The following PPM1F variants were observed in gnomAD, a reference collection of about 807,000 sequenced individuals.
PPM1F encodes the protein protein phosphatase, Mg2+/Mn2+ dependent 1F.
A neutral mutation model predicts 35.5 loss-of-function variants in PPM1F; 17 were observed. The ratio of observed to expected loss-of-function variants is 0.48; its 90% confidence interval spans 0.33 to 0.72. The LOEUF (loss-of-function observed/expected upper bound fraction) is 0.72, where lower values mean the gene tolerates loss of function less well. Ranked by LOEUF, PPM1F falls within the 30% of genes least tolerant of loss-of-function variation. The pLI is 0.02. For synonymous variants in PPM1F, 241 were observed against 255.5 expected (o/e 0.94, Z 0.54); for missense variants, 521 against 613.0 (o/e 0.85, Z 1.59).
chr22:21,938,392 G>A (rs2070686650), intron 3 of PPM1F: 1 of 1,160,206 alleles, frequency 8.6e-7, no homozygotes, highest in Non-Finnish European at 1.1e-6. Context: ...CCCAGGCTAA[G>A]GCAAGGCTGC....
Position 21,922,200 on chromosome 22 carries a change from A to AT in PPM1F, c.*891dup, listed in dbSNP as rs1356936747. On this transcript the variant is annotated 3_prime_UTR_variant, in exon 8 of 8. Coordinates refer to ENST00000263212, the MANE Select transcript of PPM1F (RefSeq NM_014634.4). ...TGGAAAAGTTCCTGTTTCAATCCTG[A>AT]TTTAGAAAATAAATTCAATAATACT... 6.6e-6 allele frequency: 1 copy of AT among 152,646 alleles called. No individual in the cohort carries two copies. The highest frequency in any genetic ancestry group is 1.5e-5 in the Non-Finnish European group (1 of 68,034). 9.5% of individuals were successfully genotyped at this position (152,646 alleles called of 1,614,324 possible).
Position 21,922,427 on chromosome 22 carries a change from G to C in PPM1F, c.*665C>G, listed in dbSNP as rs1249421190. 2 of 152,458 alleles carry C rather than the reference G, an allele frequency of 1.3e-5. No homozygotes were observed. The highest frequency in any genetic ancestry group is 2.9e-5 in the Non-Finnish European group (2 of 68,058). The allele number at this position is 152,458 out of a possible 1,614,324, so 9.4% of individuals were successfully genotyped here. ...ACAAACACACCAACAAAAGACACATGTGCGTCGCCGGTTCCGGGCTCAGGG... is the reference window on the plus strand; with the variant it reads ...ACAAACACACCAACAAAAGACACATCTGCGTCGCCGGTTCCGGGCTCAGGG... On this transcript the variant is annotated 3_prime_UTR_variant, in exon 8 of 8. Transcript: ENST00000263212.
chr22:21,938,058 C>T, intron 3 of PPM1F: 2 of 1,246,790 alleles, frequency 1.6e-6, no homozygotes, highest in Middle Eastern at 2.3e-4. Flanking sequence ...GGCCGCTAGG[C>T]AGGCCTGCAT....
chr22:21,924,025 G>C (rs1217466435), intron 7 of PPM1F, among the ~76,000 whole-genome samples: 3 of 151,954 alleles, frequency 2.0e-5, no homozygotes, highest in African/African-American at 7.3e-5. Flanking sequence ...TCCCATCCTG[G>C]CCTCACTTCC....
intron 3 of PPM1F, chr22:21,935,021 G>A (rs948428294): frequency 6.6e-6 from 1 of 151,814 alleles, no homozygotes; most frequent in African/African-American, 2.4e-5. Flanking sequence ...CCAGAACAAT[G>A]AAGGCTGTTC....
At chr22:21,927,360 G>A (rs1431647043) in intron 6 of PPM1F, among the ~76,000 whole-genome samples, 1 of 152,232 alleles carries the variant, frequency 6.6e-6, no homozygotes, top group Non-Finnish European at 1.5e-5. Context: ...AGGAAGCAGC[G>A]CCTCCTCCCC....
intron 3 of PPM1F, chr22:21,938,006 C>G: frequency 9.4e-7 from 1 of 1,068,478 alleles, no homozygotes; most frequent in African/African-American, 1.7e-5. Context: ...AGTCCAAAAA[C>G]TTGACTACAT....
Position 21,939,493 on chromosome 22 carries a change from A to G in PPM1F, c.355+39T>C. On this transcript the variant is annotated intron_variant, in intron 3 of 7. Coordinates refer to ENST00000263212, the MANE Select transcript of PPM1F (RefSeq NM_014634.4). This position sits in a 1 kb window ranked among gnomAD's most constrained non-coding sequence, Gnocchi z 5.1. ...ATGTCGTCACCCTTTGTTGCCTGCT[A>G]AGCAGCCCTGGGGCCACCTCAGAAG... is the stretch of plus-strand genomic sequence containing the variant. 1.2e-6 allele frequency: 2 copies of G among 1,607,342 alleles called. No homozygotes were observed. The highest frequency in any genetic ancestry group is 2.2e-5 in the East Asian group (1 of 44,810).
chr22:21,942,357 A>G (rs1455819958), intron 2 of PPM1F: 1 of 144,532 alleles, frequency 6.9e-6, no homozygotes, highest in Non-Finnish European at 1.5e-5. Flanking sequence ...CACAACCTCC[A>G]CCTCTCGGGT....
rs2070586577 is a variant in PPM1F at position 21,931,286 on chromosome 22, C to T, written c.753G>A (p.Leu251=). ...CACACACACCTGTGGTGCCGCTCTG[C>T]AGCCGCTGCAGGGAGAGAGGGCCCA... ...MFLRKAKRER[L]QSGTTGVCAL... Residue 251 remains leucine, a synonymous_variant, in exon 6 of 8, where the codon CTG becomes CTA. Transcript: ENST00000263212. The T allele has an allele frequency of 1.9e-6, 3 of 1,612,096 alleles. No individual in the cohort carries two copies. Among genetic ancestry groups the T allele is most frequent in the East Asian group, 2.2e-5 (1 of 44,864 alleles).
In PPM1F at chr22:21,931,145, T is replaced by C; in HGVS notation, c.891+3A>G. 5 of 1,614,036 alleles carry C rather than the reference T, an allele frequency of 3.1e-6. No individual in the cohort carries two copies. The South Asian group carries it at 5.5e-5, about 18-fold the overall frequency. ...CTGGGCCTGGGCGCAGGGATCCCCT[T>C]ACCTGCCGTTCTGGTCTGTGTGGCT... On this transcript the variant is annotated splice_donor_region_variant and intron_variant, in intron 6 of 7. Coordinates refer to ENST00000263212, the MANE Select transcript of PPM1F (RefSeq NM_014634.4).
intron 5 of PPM1F, among the ~76,000 whole-genome samples, chr22:21,932,098 A>G (rs988435082): frequency 1.3e-5 from 2 of 151,370 alleles, no homozygotes; most frequent in Non-Finnish European, 2.9e-5. Flanking sequence ...GATTACAGGC[A>G]TGAGCCACCG....
intron 6 of PPM1F, among the ~76,000 whole-genome samples, chr22:21,926,648 G>C (rs995326456): frequency 1.3e-5 from 2 of 152,194 alleles, no homozygotes; most frequent in Admixed American, 6.5e-5. Flanking sequence ...CAGCATCCCT[G>C]ACAGAGTGAC....
chr22:21,930,364 T>C (rs1339232983), intron 6 of PPM1F, among the ~76,000 whole-genome samples: 1 of 152,170 alleles, frequency 6.6e-6, no homozygotes, highest in African/African-American at 2.4e-5. Context: ...CCTACAGATA[T>C]AGGTACACTT....
At chr22:21,943,469 C>G (rs2070746272) in intron 2 of PPM1F, 1 of 152,208 alleles carries the variant, frequency 6.6e-6, no homozygotes, top group African/African-American at 2.4e-5. Flanking sequence ...AGGTGGGTTC[C>G]TGGGGGCTGA....
At chr22:21,947,191 C>G (rs2070785147) in intron 1 of PPM1F, 2 of 152,792 alleles carry the variant, frequency 1.3e-5, no homozygotes, top group African/African-American at 2.4e-5. Context: ...GCCTCCCCAG[C>G]CTGCCTGCCT....
chr22:21,936,722 C>T (rs1233933643), intron 3 of PPM1F: 1 of 152,274 alleles, frequency 6.6e-6, no homozygotes. Flanking sequence ...GGCCTCCTGT[C>T]AGTGGCCGTG....
intron 5 of PPM1F, chr22:21,932,715 G>A (rs1158402113): frequency 6.6e-6 from 1 of 152,208 alleles, no homozygotes; most frequent in Non-Finnish European, 1.5e-5. Flanking sequence ...CCCTGCACAT[G>A]GCTATAACTC....
chr22:21,938,417 C>T (rs943493928), intron 3 of PPM1F: 3 of 1,155,102 alleles, frequency 2.6e-6, no homozygotes, highest in East Asian at 7.7e-5. Context: ...CCAGGGAATG[C>T]GGGCAGGGAG....
Sources: allele counts gnomAD v4.1 joint callset (sites outside exome capture counted in the v4.1 genomes callset), GRCh38; gene constraint gnomAD v4.1.1; non-coding constraint Gnocchi (gnomAD v3.1); transcripts MANE v1.5; gene names NCBI Gene and HGNC (gene_info 2026-07-23, HGNC 2026-07-21).